FIG4: variants seen among roughly 807,000 people sequenced by gnomAD.
FIG4 encodes FIG4 phosphoinositide 5-phosphatase.
Under a neutral mutation model 118.6 loss-of-function variants are expected in FIG4, and 112 were observed. That is an observed-to-expected ratio of 0.94 (90% CI 0.81 to 1.11). FIG4 has a LOEUF of 1.11. Among genes scored for constraint, FIG4 ranks in the 50% least tolerant of loss-of-function variants. The probability of loss-of-function intolerance (pLI) is 0.00; values close to 1 mark genes in which losing one functional copy is unlikely to be tolerated. For missense variants in FIG4, 969 were observed against 1,111.7 expected, an observed-to-expected ratio of 0.87 and a Z score of 1.83; for synonymous variants, 369 against 381.2, an observed-to-expected ratio of 0.97 and a Z score of 0.37.
chr6:109,698,189 G>GTT (rs56943757), intron 1 of FIG4, among the ~76,000 whole-genome samples: 665 of 145,238 alleles, frequency 4.6e-3, no homozygotes, highest in Admixed American at 8.7e-3. Context: ...TGCCTGGCCT[G>GTT]TTTTTTTTTT....
At chr6:109,764,891 G>C in intron 13 of FIG4, 122 bp from the exon 14 acceptor site, 1 of 684,640 alleles carries the variant, frequency 1.5e-6, no homozygotes, top group Non-Finnish European at 2.5e-6. Flanking sequence ...CCTGCCCACA[G>C]ACTTTTTTTG....
At chr6:109,772,864 T>C (rs1049610713) in intron 15 of FIG4, among the ~76,000 whole-genome samples, 1 of 152,222 alleles carries the variant, frequency 6.6e-6, no homozygotes, top group African/African-American at 2.4e-5. Flanking sequence ...GACACAGCAT[T>C]ACTGAGCTGT....
intron 16 of FIG4, among the ~76,000 whole-genome samples, chr6:109,782,865 C>T (rs1176542829): frequency 6.6e-6 from 1 of 152,204 alleles, no homozygotes; most frequent in Admixed American, 6.5e-5. Flanking sequence ...AGGTCACTTA[C>T]AACACATCTC....
At chr6:109,768,280 A>G (rs1777344692) in intron 15 of FIG4, among the ~76,000 whole-genome samples, 1 of 152,174 alleles carries the variant, frequency 6.6e-6, no homozygotes, top group Non-Finnish European at 1.5e-5. Flanking sequence ...AAGGAATTAT[A>G]AGAAACTGCC....
chr6:109,806,894 T>C (rs2061267984), intron 22 of FIG4, among the ~76,000 whole-genome samples: 1 of 152,162 alleles, frequency 6.6e-6, no homozygotes, highest in Admixed American at 6.5e-5. Flanking sequence ...CTGAGAATGA[T>C]TGTTTCCAGC....
intron 3 of FIG4, among the ~76,000 whole-genome samples, chr6:109,726,106 A>G (rs1162903175): frequency 7.0e-6 from 1 of 143,376 alleles, no homozygotes; most frequent in Non-Finnish European, 1.6e-5. Context: ...TAGTTTAATT[A>G]AATCCCATTT....
At chr6:109,798,982 A>G (rs1778361131) in intron 22 of FIG4, among the ~76,000 whole-genome samples, 1 of 152,228 alleles carries the variant, frequency 6.6e-6, no homozygotes, top group African/African-American at 2.4e-5. Flanking sequence ...TCTATTAACC[A>G]AATTGTATTA....
chr6:109,776,842 C>A, intron 15 of FIG4, 80 bp from the exon 16 acceptor site: 1 of 1,154,128 alleles, frequency 8.7e-7, no homozygotes, highest in Non-Finnish European at 1.3e-6. Flanking sequence ...TTTTGTACCA[C>A]TATCCTCCTA....
intron 10 of FIG4, among the ~76,000 whole-genome samples, chr6:109,753,037 A>G (rs1776760087): frequency 1.3e-5 from 2 of 152,052 alleles, no homozygotes; most frequent in African/African-American, 4.8e-5. Context: ...GAAGGGATCC[A>G]TTTTCAGCTT....
At chr6:109,722,869 T>A (rs1002153413) in intron 3 of FIG4, among the ~76,000 whole-genome samples, 7 of 152,054 alleles carry the variant, frequency 4.6e-5, no homozygotes, top group African/African-American at 1.7e-4. Flanking sequence ...AACACAGAGT[T>A]GGTGGGGATG....
In FIG4 at chr6:109,786,394, T is replaced by C. The variant is rs1777957984; in HGVS notation, c.2041T>C (p.Tyr681His). The C allele has an allele frequency of 6.2e-7, 1 of 1,613,868 alleles. No individual in the cohort carries two copies. Among genetic ancestry groups the C allele is most frequent in the African/African-American group, 1.3e-5 (1 of 74,920 alleles). ...IDIHNEFFRP[Y>H]ELSSFDDTFC... is the part of the protein sequence containing the mutation. ...TATCCACAATGAGTTCTTTCGGCCA[T>C]ATGAGTTGAGCAGCTTTGATGATAC... Residue 681 changes from tyrosine to histidine, a missense_variant, in exon 18 of 23, where the codon TAT (tyrosine) becomes CAT (histidine). This residue lies in a region of FIG4 where 330 missense variants were observed against 348.1 expected (regional missense o/e 0.95). Coordinates refer to ENST00000230124, the MANE Select transcript of FIG4 (RefSeq NM_014845.6).
At chr6:109,738,968 C>T (rs1283006161) in intron 7 of FIG4, among the ~76,000 whole-genome samples, 1 of 152,108 alleles carries the variant, frequency 6.6e-6, no homozygotes, top group East Asian at 1.9e-4. Flanking sequence ...ATGTGGGAGT[C>T]AGATGGCCAG....
chr6:109,784,260 G>T lies in FIG4; in HGVS notation c.1890-710G>T, dbSNP rs190003224. 3.2e-3 allele frequency among the ~76,000 whole-genome samples: 494 copies of T among 152,056 alleles called. 3 individuals carry two copies. Among genetic ancestry groups the T allele is most frequent in the African/African-American group, 0.012 (483 of 41,456 alleles). On this transcript the variant is annotated intron_variant, in intron 16 of 22. Coordinates refer to ENST00000230124, the MANE Select transcript of FIG4 (RefSeq NM_014845.6). ...AGAATTTGATTGAGAATTAAATTAG[G>T]TGTTCAGAGAGAAGGCCACTTAGGA... is the stretch of plus-strand genomic sequence containing the variant.
chr6:109,755,280 G>T (rs904043731), intron 10 of FIG4, among the ~76,000 whole-genome samples: 4 of 152,196 alleles, frequency 2.6e-5, no homozygotes, highest in Non-Finnish European at 5.9e-5. Flanking sequence ...ATTCTAGTTT[G>T]ATTGCACTGT....
intron 22 of FIG4, among the ~76,000 whole-genome samples, chr6:109,819,302 C>T (rs536431713): frequency 1.3e-5 from 2 of 152,164 alleles, no homozygotes; most frequent in Non-Finnish European, 2.9e-5. Context: ...GCACCTTGCT[C>T]AGATAGTAGA....
chr6:109,817,329 C>T (rs867834325), intron 22 of FIG4, among the ~76,000 whole-genome samples: 5 of 152,054 alleles, frequency 3.3e-5, no homozygotes, highest in Non-Finnish European at 7.4e-5. Flanking sequence ...GGATGCTTCC[C>T]GAGTGTTTGT....
At position 109,806,966 on chromosome 6, in the gene FIG4, G is replaced by C. The variant is rs568845334; in HGVS notation, c.2546+10115G>C. The stretch of plus-strand genomic sequence containing the variant: ...TTTTTATGGCTGCATAGTATTCCAT[G>C]GTGTATTTGTGCCACATTTTCTTTA... On this transcript the variant is annotated intron_variant, in intron 22 of 22. Coordinates refer to ENST00000230124, the MANE Select transcript of FIG4 (RefSeq NM_014845.6). Among the ~76,000 whole-genome samples, 6 of 152,184 alleles carry C rather than the reference G, an allele frequency of 3.9e-5. No individual in the cohort carries two copies. In the East Asian group the frequency reaches 7.7e-4, roughly 20 times the overall value.
chr6:109,757,107 A>C lies in FIG4; in HGVS notation c.1138-3143A>C, dbSNP rs142662813. 4.6e-3 allele frequency among the ~76,000 whole-genome samples: 696 copies of C among 152,078 alleles called. 3 individuals carry two copies. Among genetic ancestry groups the C allele is most frequent in the African/African-American group, 0.015 (609 of 41,458 alleles). On this transcript the variant is annotated intron_variant, in intron 10 of 22. Transcript: ENST00000230124. ...CTCCCCCTCTCTTTTTTTCTTTATTAGTCTGGCTAACAGTCTATTTTGTTA... is the reference window on the plus strand; with the variant it reads ...CTCCCCCTCTCTTTTTTTCTTTATTCGTCTGGCTAACAGTCTATTTTGTTA...
At chr6:109,751,333 T>G (rs1776688730) in intron 10 of FIG4, among the ~76,000 whole-genome samples, 1 of 152,224 alleles carries the variant, frequency 6.6e-6, no homozygotes, top group Non-Finnish European at 1.5e-5. Context: ...TTATTGAGGA[T>G]TTTCGCCTCG....
Sources: allele counts gnomAD v4.1 joint callset (sites outside exome capture counted in the v4.1 genomes callset), GRCh38; gene constraint gnomAD v4.1.1; regional missense constraint gnomAD v4.1.1; transcripts MANE v1.5; gene names NCBI Gene and HGNC (gene_info 2026-07-23, HGNC 2026-07-21).